RIPOR3: variants seen among roughly 807,000 people sequenced by gnomAD.
The protein encoded by RIPOR3 is family with sequence similarity 65 member C.
A neutral mutation model predicts 114.3 loss-of-function variants in RIPOR3; 95 were observed. The observed-to-expected ratio is 0.83, with a 90% CI of 0.70 to 0.99. RIPOR3 has a LOEUF of 0.99. Ranked by LOEUF, RIPOR3 falls within the 50% of genes least tolerant of loss-of-function variation. The pLI is 0.00. For synonymous variants in RIPOR3, 575 were observed against 543.8 expected (o/e 1.06, Z -0.80); for missense variants, 1,252 against 1,266.9 (o/e 0.99, Z 0.18).
chr20:50,592,508 T>TGC lies in RIPOR3; in HGVS notation c.2412_2413insGC (p.Lys805AlafsTer22). Reference sequence around the variant, plus strand: ...TTCCCCTGCAGCTTCCGGACCACCTTGGCCTGTCCCGCACAGTGAAGCTCC... The same window carrying TGC: ...TTCCCCTGCAGCTTCCGGACCACCTTGCGGCCTGTCCCGCACAGTGAAGCTCC... On this transcript the variant is annotated frameshift_variant, in exon 19 of 22. Coordinates refer to ENST00000327979, the MANE Select transcript of RIPOR3 (RefSeq NM_001290268.2). LOFTEE classifies it high-confidence loss of function. The TGC allele has an allele frequency of 6.2e-7, 1 of 1,608,162 alleles. No homozygotes were observed. Among genetic ancestry groups the TGC allele is most frequent in the Non-Finnish European group, 8.5e-7 (1 of 1,176,860 alleles).
In RIPOR3 at chr20:50,602,664, G is replaced by C; in HGVS notation, c.1087-20C>G. The C allele has an allele frequency of 2.8e-6, 4 of 1,433,876 alleles. No individual in the cohort carries two copies. Among genetic ancestry groups the C allele is most frequent in the Non-Finnish European group, 3.7e-6 (4 of 1,090,382 alleles). 88.8% of individuals were successfully genotyped at this position (1,433,876 alleles called of 1,614,324 possible). On this transcript the variant is annotated intron_variant, in intron 12 of 21. Coordinates refer to ENST00000327979, the MANE Select transcript of RIPOR3 (RefSeq NM_001290268.2). The surrounding 1 kb of genome is among the most constrained non-coding windows in gnomAD (Gnocchi z 4.3). ...GACAGACTGGAGAGGGGACACGGGA[G>C]CGGCCTCACCAGCCACCCCAGGGAC...
intron 1 of RIPOR3, among the ~76,000 whole-genome samples, chr20:50,672,971 A>G (rs1314154545): frequency 6.6e-6 from 1 of 152,196 alleles, no homozygotes; most frequent in African/African-American, 2.4e-5. Context: ...AAACCCAGTG[A>G]TGCTGAGTAT....
At position 50,636,827 on chromosome 20, in the gene RIPOR3, C is replaced by T. The variant is rs560007974; in HGVS notation, c.4-5971G>A. On this transcript the variant is annotated intron_variant, in intron 1 of 21. Coordinates refer to ENST00000327979, the MANE Select transcript of RIPOR3 (RefSeq NM_001290268.2). ...AAGCTGCCCTGCGTCTCCTCCCCAC[C>T]GCCAGCCAGAGGGAACCTGCAATTT... 158 of 985,484 alleles carry T rather than the reference C, an allele frequency of 1.6e-4. No individual in the cohort carries two copies. The African/African-American group carries it at 2.5e-3, about 16-fold the overall frequency. 61.0% of individuals were successfully genotyped at this position (985,484 alleles called of 1,614,324 possible).
At chr20:50,637,848 C>T (rs2085045457) in intron 1 of RIPOR3, among the ~76,000 whole-genome samples, 1 of 152,054 alleles carries the variant, frequency 6.6e-6, no homozygotes, top group East Asian at 1.9e-4. Context: ...GCACTCCAGC[C>T]TGGGTGATAA....
At chr20:50,673,529 C>T (rs903810645) in intron 1 of RIPOR3, among the ~76,000 whole-genome samples, 1 of 152,204 alleles carries the variant, frequency 6.6e-6, no homozygotes, top group Non-Finnish European at 1.5e-5. Context: ...GCAACTATTT[C>T]CTGGCCCCAA....
At chr20:50,614,101 T>G (rs910509631) in intron 4 of RIPOR3, among the ~76,000 whole-genome samples, 11 of 152,182 alleles carry the variant, frequency 7.2e-5, no homozygotes, top group Non-Finnish European at 1.6e-4. Context: ...AGTGGTACGA[T>G]CTCACCTCAC....
intron 2 of RIPOR3, among the ~76,000 whole-genome samples, chr20:50,628,359 C>T (rs1486912219): frequency 6.6e-6 from 1 of 152,142 alleles, no homozygotes; most frequent in Non-Finnish European, 1.5e-5. Context: ...CACTGCAGCC[C>T]ATGAGGCTCC....
At chr20:50,631,557 A>G (rs1324527256) in intron 1 of RIPOR3, among the ~76,000 whole-genome samples, 1 of 152,180 alleles carries the variant, frequency 6.6e-6, no homozygotes, top group Non-Finnish European at 1.5e-5. Flanking sequence ...AGGCATTGGT[A>G]GCCCCAAGCA....
intron 1 of RIPOR3, among the ~76,000 whole-genome samples, chr20:50,644,906 C>T (rs1469421271): frequency 6.6e-6 from 1 of 150,584 alleles, no homozygotes; most frequent in African/African-American, 2.5e-5. Context: ...GGGGCGCAAT[C>T]TTGGCTCATT....
In RIPOR3 at chr20:50,593,144, T is replaced by TCCGGGGAGCAGCCCACCA; in HGVS notation, c.2247_2264dup (p.Gly750_Gly755dup). ...TGATCTGTTCTTCTGGGAGCCCAGC[T>TCCGGGGAGCAGCCCACCA]CCGGGGAGCAGCCCACCACAGCTGA... On this transcript the variant is annotated inframe_insertion, in exon 18 of 22. Transcript: ENST00000327979. The TCCGGGGAGCAGCCCACCA allele has an allele frequency of 6.2e-7, 1 of 1,613,798 alleles. No homozygotes were observed. Among genetic ancestry groups the TCCGGGGAGCAGCCCACCA allele is most frequent in the Non-Finnish European group, 8.5e-7 (1 of 1,180,016 alleles).
At position 50,586,473 on chromosome 20, in the gene RIPOR3, T is replaced by C. The variant is rs1398391118; in HGVS notation, c.*759A>G. On this transcript the variant is annotated 3_prime_UTR_variant, in exon 22 of 22. Coordinates refer to ENST00000327979, the MANE Select transcript of RIPOR3 (RefSeq NM_001290268.2). ...AGGGTAGCTTCCGAAGCTGGGTTGA[T>C]TGATTGCATTTGGGTGCGGATGGCC... The C allele has an allele frequency of 1.3e-5, 1 of 75,306 alleles. No homozygotes were observed. Among genetic ancestry groups the C allele is most frequent in the African/African-American group, 1.6e-4 (1 of 6,224 alleles). The allele number at this position is 75,306 out of a possible 1,614,324, so 4.7% of individuals were successfully genotyped here. A position where few individuals can be genotyped will look rare whatever the true frequency, so the allele number is the denominator to read the frequency against.
At chr20:50,610,539 G>A (rs1010237823) in intron 6 of RIPOR3, among the ~76,000 whole-genome samples, 2 of 152,140 alleles carry the variant, frequency 1.3e-5, no homozygotes, top group African/African-American at 4.8e-5. Context: ...CAATGGGCTG[G>A]GAGGGCTCAA....
Position 50,596,203 on chromosome 20 carries a change from G to C in RIPOR3, c.1851C>G (p.Ala617=). Residue 617 remains alanine, a synonymous_variant, in exon 15 of 22, where the codon GCC becomes GCG. Transcript: ENST00000327979. ...SLKASSRELT[A]GAPELDVLLM... ...GCAGCACGTCCAGCTCTGGGGCACCGGCTGTGAGTTCCCTGGATGACGCTT... is the reference window on the plus strand; with the variant it reads ...GCAGCACGTCCAGCTCTGGGGCACCCGCTGTGAGTTCCCTGGATGACGCTT... The C allele has an allele frequency of 6.2e-7, 1 of 1,614,174 alleles. No individual in the cohort carries two copies. The highest frequency in any genetic ancestry group is 1.7e-5 in the Admixed American group (1 of 60,024).
intron 2 of RIPOR3, among the ~76,000 whole-genome samples, chr20:50,627,050 C>T (rs1046675525): frequency 4.0e-5 from 6 of 150,674 alleles, no homozygotes; most frequent in African/African-American, 7.4e-5. Flanking sequence ...AGTGTGGTGG[C>T]CCATGCCTGT....
intron 1 of RIPOR3, among the ~76,000 whole-genome samples, chr20:50,671,083 A>G (rs1298038733): frequency 6.6e-6 from 1 of 152,080 alleles, no homozygotes; most frequent in Admixed American, 6.6e-5. Context: ...ATGCACCACC[A>G]TGCCTGGCTA....
In RIPOR3 at chr20:50,597,852, C is replaced by G. The variant is rs1376436156; in HGVS notation, c.1660-142G>C. 3.1e-6 allele frequency: 4 copies of G among 1,294,596 alleles called. No individual in the cohort carries two copies. In the African/African-American group the frequency reaches 5.9e-5, roughly 19 times the overall value. The allele number at this position is 1,294,596 out of a possible 1,614,324, so 80.2% of individuals were successfully genotyped here. On this transcript the variant is annotated intron_variant, in intron 13 of 21. Transcript: ENST00000327979. ...CACACACCGTCCCCCAGCAGAAGCCCAGCCGCTGGCCCAAGGCGTGGCACT... is the reference window on the plus strand; with the variant it reads ...CACACACCGTCCCCCAGCAGAAGCCGAGCCGCTGGCCCAAGGCGTGGCACT...
chr20:50,639,057 C>T (rs977822325), intron 1 of RIPOR3, among the ~76,000 whole-genome samples: 16 of 152,252 alleles, frequency 1.1e-4, no homozygotes, highest in East Asian at 1.9e-4. Context: ...GCCTGGTCAA[C>T]ATGGTGAAAC....
At position 50,589,725 on chromosome 20, in the gene RIPOR3, C is replaced by T; in HGVS notation, c.2622G>A (p.Arg874=). Residue 874 remains arginine, a synonymous_variant, in exon 20 of 22, where the codon AGG becomes AGA. Coordinates refer to ENST00000327979, the MANE Select transcript of RIPOR3 (RefSeq NM_001290268.2). ...GCGCTAGGCATGCGGCCTGCTGGAG[C>T]CTTGCGTCGTTCTCTGCCAGGGCGT... is the stretch of plus-strand genomic sequence containing the variant. ...YTNALAENDA[R]LQQAACLALK... is the part of the protein sequence containing the mutation. The T allele has an allele frequency of 6.2e-7, 1 of 1,613,896 alleles. No homozygotes were observed. The highest frequency in any genetic ancestry group is 8.5e-7 in the Non-Finnish European group (1 of 1,179,870).
At chr20:50,625,346 G>A (rs1372184800) in intron 2 of RIPOR3, among the ~76,000 whole-genome samples, 3 of 152,160 alleles carry the variant, frequency 2.0e-5, no homozygotes, top group Admixed American at 2.0e-4. Flanking sequence ...TGCTGGGATT[G>A]CAGGCGTGAG....
Sources: allele counts gnomAD v4.1 joint callset (sites outside exome capture counted in the v4.1 genomes callset), GRCh38; gene constraint gnomAD v4.1.1; non-coding constraint Gnocchi (gnomAD v3.1); transcripts MANE v1.5; gene names NCBI Gene and HGNC (gene_info 2026-07-23, HGNC 2026-07-21).